Variants in EPM2A observed in about 807,000 individuals in gnomAD.
EPM2A encodes the protein laforin.
A neutral mutation model predicts 26.5 loss-of-function variants in EPM2A; 21 were observed. The ratio of observed to expected loss-of-function variants is 0.79; its 90% CI spans 0.56 to 1.14. The LOEUF (loss-of-function observed/expected upper bound fraction) is 1.14, where lower values mean the gene tolerates loss of function less well. EPM2A is among the 50% of genes most tolerant of loss of function. EPM2A has a pLI of 0.00. For synonymous variants in EPM2A, 217 were observed against 177.6 expected, an observed-to-expected ratio of 1.22 and a Z score of -1.76; for missense variants, 458 against 440.8, an observed-to-expected ratio of 1.04 and a Z score of -0.35.
At chr6:145,423,317 A>G (rs1296660917) in intron 4 of EPM2A, among the ~76,000 whole-genome samples, 1 of 152,118 alleles carries the variant, frequency 6.6e-6, no homozygotes, top group Non-Finnish European at 1.5e-5. Context: ...TGTTTTGTTT[A>G]TATTGTCTTT....
At chr6:145,733,133 T>C (rs2031782785) in intron 1 of EPM2A, among the ~76,000 whole-genome samples, 1 of 152,178 alleles carries the variant, frequency 6.6e-6, no homozygotes, top group Non-Finnish European at 1.5e-5. Flanking sequence ...CTTGATAATG[T>C]AAAAGTCATA....
At chr6:145,471,114 C>T (rs776127894) in intron 4 of EPM2A, among the ~76,000 whole-genome samples, 2 of 152,078 alleles carry the variant, frequency 1.3e-5, no homozygotes, top group Non-Finnish European at 2.9e-5. Context: ...ATAGACAGAA[C>T]ACATAATCAT....
chr6:145,511,883 T>G (rs915385329), intron 2 of EPM2A, among the ~76,000 whole-genome samples: 1 of 152,168 alleles, frequency 6.6e-6, no homozygotes, highest in Non-Finnish European at 1.5e-5. Flanking sequence ...CTCTGGAAGA[T>G]TCCCAGATCT....
chr6:145,660,444 G>A (rs973755556), intron 2 of EPM2A, among the ~76,000 whole-genome samples: 9 of 152,164 alleles, frequency 5.9e-5, no homozygotes, highest in African/African-American at 2.2e-4. Context: ...TTCTGAAGGA[G>A]ACACTAAGCC....
At chr6:145,385,139 A>G (rs1301300492) in intron 4 of EPM2A, among the ~76,000 whole-genome samples, 1 of 148,144 alleles carries the variant, frequency 6.8e-6, no homozygotes, top group Non-Finnish European at 1.5e-5. Flanking sequence ...AGAATGGACT[A>G]AAAATCACTT....
rs185614629 is a variant in EPM2A at position 145,558,679 on chromosome 6, C to T, written c.341-56104G>A. ...TTCATGTATATGTTGGCCATTTGTA[C>T]GTGCTTTTCGAGAAATGTTTATTCA... On this transcript the variant is annotated intron_variant, in intron 2 of 3. Transcript: ENST00000450221. 9.9e-4 allele frequency among the ~76,000 whole-genome samples: 151 copies of T among 152,030 alleles called. 1 individual carries two copies. In the Middle Eastern group the frequency reaches 0.014, roughly 14 times the overall value.
chr6:145,608,215 C>A (rs1775310272), intron 2 of EPM2A, among the ~76,000 whole-genome samples: 1 of 152,144 alleles, frequency 6.6e-6, no homozygotes. Context: ...TTGTGGTTAT[C>A]ATTGTTAATC....
At chr6:145,579,262 T>C (rs1395134700) in intron 2 of EPM2A, among the ~76,000 whole-genome samples, 3 of 152,194 alleles carry the variant, frequency 2.0e-5, no homozygotes, top group African/African-American at 7.2e-5. Flanking sequence ...CAAATCTTTC[T>C]TACTCAGTCC....
intron 1 of EPM2A, chr6:145,705,645 G>C (rs1782181796): frequency 2.3e-6 from 1 of 443,678 alleles, no homozygotes; most frequent in Non-Finnish European, 4.5e-6. Context: ...TGTTCACATT[G>C]TCATCATCTT....
rs1053380620 is a variant in EPM2A, at chr6:145,616,128, G to A, written c.340+19117C>T. Among the ~76,000 whole-genome samples the A allele has an allele frequency of 6.6e-5, 10 of 152,348 alleles. No homozygotes were observed. The South Asian group carries it at 1.2e-3, about 19-fold the overall frequency. ...CAGCCCCTCCCATCACAGGCCCAGA[G>A]GCCTAGGATGAAAAAGTGGTTTCAT... On this transcript the variant is annotated intron_variant, in intron 2 of 3. Coordinates refer to the EPM2A transcript ENST00000450221.
chr6:145,398,681 G>A (rs952818051), intron 4 of EPM2A, among the ~76,000 whole-genome samples: 4 of 151,908 alleles, frequency 2.6e-5, no homozygotes, highest in South Asian at 4.2e-4. Flanking sequence ...CCAACATGGC[G>A]AAACCCCATC....
At chr6:145,478,527 A>G (rs1779568941) in intron 4 of EPM2A, among the ~76,000 whole-genome samples, 1 of 151,950 alleles carries the variant, frequency 6.6e-6, no homozygotes, top group African/African-American at 2.4e-5. Context: ...ACTTCAAATT[A>G]TGTTACAGAA....
chr6:145,395,023 A>T (rs1778386447), intron 4 of EPM2A, among the ~76,000 whole-genome samples: 1 of 152,180 alleles, frequency 6.6e-6, no homozygotes, highest in South Asian at 2.1e-4. Context: ...CTCTAAAGAC[A>T]AGCTACAGTT....
chr6:145,729,856 C>T (rs1488830991), intron 1 of EPM2A, among the ~76,000 whole-genome samples: 1 of 152,128 alleles, frequency 6.6e-6, no homozygotes, highest in Non-Finnish European at 1.5e-5. Context: ...AGATTTGTGT[C>T]CCTGCCCAAA....
At chr6:145,658,611 T>A (rs911904838) in intron 2 of EPM2A, among the ~76,000 whole-genome samples, 9 of 152,286 alleles carry the variant, frequency 5.9e-5, no homozygotes, top group Admixed American at 5.9e-4. Flanking sequence ...AAAATACAAA[T>A]TAATAAGCAA....
At chr6:145,550,730 T>C (rs1280913512) in intron 2 of EPM2A, among the ~76,000 whole-genome samples, 3 of 152,094 alleles carry the variant, frequency 2.0e-5, no homozygotes, top group Non-Finnish European at 4.4e-5. Flanking sequence ...TTAATGATGA[T>C]CTACTTCCAC....
rs138286107 is a variant in EPM2A, at chr6:145,484,451, C to T, written c.555+18071G>A. 4.6e-5 allele frequency among the ~76,000 whole-genome samples: 7 copies of T among 152,014 alleles called. No homozygotes were observed. In the East Asian group the frequency reaches 1.4e-3, roughly 29 times the overall value. On this transcript the variant is annotated intron_variant, in intron 4 of 4. Transcript: ENST00000638717. Reference sequence around the variant, plus strand: ...TTTTGAAGATCCATGTTCACCACCCCCAAAAAGATAACAATCCTGTTGAAG... The same window carrying T: ...TTTTGAAGATCCATGTTCACCACCCTCAAAAAGATAACAATCCTGTTGAAG...
intron 2 of EPM2A, among the ~76,000 whole-genome samples, chr6:145,520,314 C>G (rs1266799796): frequency 6.6e-6 from 1 of 152,212 alleles, no homozygotes; most frequent in Non-Finnish European, 1.5e-5. Context: ...CAGTACTCAA[C>G]AGACAATTTC....
upstream of EPM2A, chr6:145,735,697 G>C (rs1352102211): frequency 9.6e-7 from 1 of 1,039,786 alleles, no homozygotes; most frequent in Non-Finnish European, 1.2e-6. Context: ...GGCGGGAAGG[G>C]GTCAGCGGAG....
Sources: allele counts gnomAD v4.1 joint callset (sites outside exome capture counted in the v4.1 genomes callset), GRCh38; gene constraint gnomAD v4.1.1; transcripts MANE v1.5; gene names NCBI Gene and HGNC (gene_info 2026-07-23, HGNC 2026-07-21).